TCN1: variants seen among roughly 807,000 people sequenced by gnomAD.
TCN1 encodes transcobalamin 1.
In TCN1, 47 loss-of-function variants were observed where a neutral mutation model predicts 46.3. The observed-to-expected ratio is 1.01, with a 90% confidence interval of 0.80 to 1.29. The LOEUF (loss-of-function observed/expected upper bound fraction) is 1.29, where lower values mean the gene tolerates loss of function less well. Among genes scored for constraint, TCN1 ranks in the 50% most tolerant of loss-of-function variants. The pLI is 0.00. For missense variants in TCN1, 532 were observed against 511.0 expected, an observed-to-expected ratio of 1.04 and a Z score of -0.40; for synonymous variants, 183 against 192.5, an observed-to-expected ratio of 0.95 and a Z score of 0.41.
chr11:59,862,563 C>A lies in TCN1; in HGVS notation c.400+19G>T, dbSNP rs774679204. On this transcript the variant is annotated intron_variant, in intron 3 of 8. Coordinates refer to ENST00000257264, the MANE Select transcript of TCN1 (RefSeq NM_001062.4). ...GAGAAGACAAGGTAGTCTAGGGTCT[C>A]TAAATATTTAATTCTTACCCATATT... 3 of 1,612,580 alleles carry A rather than the reference C, an allele frequency of 1.9e-6. No individual in the cohort carries two copies. In the South Asian group the frequency reaches 3.3e-5, roughly 18 times the overall value.
In TCN1 at chr11:59,861,551, A is replaced by G. The variant is rs1376338234; in HGVS notation, c.532T>C (p.Tyr178His). 2 of 1,614,070 alleles carry G rather than the reference A, an allele frequency of 1.2e-6. No homozygotes were observed. The highest frequency in any genetic ancestry group is 2.2e-5 in the South Asian group (2 of 91,086). ...NHFTPENKNY[Y>H]FGSQFSVDTG... ...CCTACTGAGAACTGGCTACCAAAAT[A>G]ATAGTTTTTATTTTCAGGAGTGAAG... The change falls in exon 4 of 9, where the codon TAT becomes CAT. Residue 178 changes from tyrosine to histidine, a missense_variant. By Grantham distance (83) the Tyr-to-His change is moderately conservative. Transcript: ENST00000257264.
At chr11:59,858,938 G>C (rs1852984116) in intron 5 of TCN1, 139 bp downstream of exon 5, 1 of 952,180 alleles carries the variant, frequency 1.1e-6, no homozygotes, top group Non-Finnish European at 1.6e-6. Context: ...GGGAGGCGGA[G>C]GTCGCAGTGA....
intron 4 of TCN1, among the ~76,000 whole-genome samples, chr11:59,860,963 T>A (rs566775634): frequency 1.4e-4 from 21 of 152,334 alleles, no homozygotes; most frequent in African/African-American, 5.1e-4. Flanking sequence ...GCTAAGCACC[T>A]ATACTAACTG....
intron 3 of TCN1, 65 bp from the exon 4 acceptor site, chr11:59,861,747 T>G: frequency 6.5e-7 from 1 of 1,534,052 alleles, no homozygotes; most frequent in East Asian, 2.3e-5. Flanking sequence ...ATTTTCCATC[T>G]ATTCCTACTT....
intron 5 of TCN1, among the ~76,000 whole-genome samples, chr11:59,858,232 A>G (rs1852968999): frequency 1.3e-5 from 2 of 152,228 alleles, no homozygotes; most frequent in South Asian, 4.1e-4. Flanking sequence ...TAAGTGATTA[A>G]CAAGCATAGA....
In TCN1 at chr11:59,866,376, C is replaced by T. The variant is rs1431861135; in HGVS notation, c.79+16G>A. On this transcript the variant is annotated intron_variant, in intron 1 of 8. Coordinates refer to ENST00000257264, the MANE Select transcript of TCN1 (RefSeq NM_001062.4). The stretch of plus-strand genomic sequence containing the variant: ...GACTATCACTCTAGAGTAATTTTAG[C>T]TCAAAGTTTACTCACCACAAATCTC... 1 of 1,612,492 alleles carries T rather than the reference C, an allele frequency of 6.2e-7. No homozygotes were observed. Among genetic ancestry groups the T allele is most frequent in the Admixed American group, 1.7e-5 (1 of 59,936 alleles).
At chr11:59,861,396 C>A in intron 4 of TCN1, 131 bp downstream of exon 4, 1 of 999,612 alleles carries the variant, frequency 1.0e-6, no homozygotes, top group Non-Finnish European at 1.6e-6. Context: ...AAAGAAAATT[C>A]CCTTTTGAGG....
rs1385151308 is a variant in TCN1, at chr11:59,859,157, A to T, written c.667T>A (p.Ser223Thr). Residue 223 changes from serine to threonine, a missense_variant, in exon 5 of 9, where the codon TCA (serine) becomes ACA (threonine). Ser to Thr is a moderately conservative substitution (Grantham distance 58, BLOSUM62 1). Coordinates refer to ENST00000257264, the MANE Select transcript of TCN1 (RefSeq NM_001062.4). The part of the protein sequence containing the change: ...SLKNISIYTK[S>T]LVEKILSEKK... ...TCAGACAGAATCTTTTCTACCAGTG[A>T]CTTTGTATAAATACTGATGTTCTTT... 6.2e-7 allele frequency: 1 copy of T among 1,614,014 alleles called. No individual in the cohort carries two copies.
chr11:59,853,688 A>T (rs926766113), intron 7 of TCN1, among the ~76,000 whole-genome samples: 3 of 152,152 alleles, frequency 2.0e-5, no homozygotes, highest in Non-Finnish European at 2.9e-5. Flanking sequence ...AGAACATATG[A>T]TCCTCATGTG....
intron 5 of TCN1, among the ~76,000 whole-genome samples, chr11:59,857,402 T>C (rs1852955931): frequency 6.6e-6 from 1 of 152,188 alleles, no homozygotes; most frequent in Non-Finnish European, 1.5e-5. Context: ...TCAAACTTAG[T>C]AAGGCAATCA....
intron 1 of TCN1, among the ~76,000 whole-genome samples, chr11:59,866,170 G>C (rs1291933743): frequency 1.3e-5 from 2 of 152,154 alleles, no homozygotes; most frequent in Non-Finnish European, 2.9e-5. Flanking sequence ...CATAGAAAGA[G>C]CAGTTAGGCA....
chr11:59,860,428 CTT>C (rs546267894), intron 4 of TCN1, among the ~76,000 whole-genome samples: 3 of 143,380 alleles, frequency 2.1e-5, no homozygotes, highest in Non-Finnish European at 3.1e-5. Flanking sequence ...TGCACCCTGC[CTT>C]TTTTTTTTTT....
At chr11:59,858,215 C>T (rs938162159) in intron 5 of TCN1, among the ~76,000 whole-genome samples, 5 of 152,098 alleles carry the variant, frequency 3.3e-5, no homozygotes, top group African/African-American at 9.7e-5. Flanking sequence ...ATCTGATAAC[C>T]GGCTACTAAG....
chr11:59,855,951 G>A lies in TCN1; in HGVS notation c.855C>T (p.Asn285=), dbSNP rs72550759. The A allele has an allele frequency of 5.5e-4, 884 of 1,613,438 alleles. No homozygotes were observed. The highest frequency in any genetic ancestry group is 6.5e-4 in the Non-Finnish European group (771 of 1,179,760). Residue 285 remains asparagine (N), a synonymous_variant, in exon 6 of 9, where the codon AAC becomes AAT. Transcript: ENST00000257264. ...EISQGAFSNP[N]AAAQVLPALM... ...GGGCAGGTAAGACCTGGGCTGCAGC[G>A]TTTGGATTGCTGAATGCTCCTTGAG...
chr11:59,858,479 G>A lies in TCN1; in HGVS notation c.747+598C>T, dbSNP rs137896569. On this transcript the variant is annotated intron_variant, in intron 5 of 8. Coordinates refer to ENST00000257264, the MANE Select transcript of TCN1 (RefSeq NM_001062.4). ...CTACGTGTGATAGAACAAGAAAGCA[G>A]ATTGTAGTAGACTCTAGAGTTTCTT... 7.7e-4 allele frequency among the ~76,000 whole-genome samples: 117 copies of A among 152,314 alleles called. 2 individuals are homozygous for A. The highest frequency in any genetic ancestry group is 2.2e-3 in the African/African-American group (92 of 41,566).
intron 3 of TCN1, 112 bp downstream of exon 3, chr11:59,862,470 G>A: frequency 7.4e-7 from 1 of 1,342,948 alleles, no homozygotes; most frequent in Non-Finnish European, 1.1e-6. Context: ...CAAAGACATA[G>A]TGAGATGAAC....
In TCN1 at chr11:59,859,141, A is replaced by G. The variant is rs143824687; in HGVS notation, c.683T>C (p.Ile228Thr). 101 of 1,614,000 alleles carry G rather than the reference A, an allele frequency of 6.3e-5. No individual in the cohort carries two copies. The highest frequency in any genetic ancestry group is 1.6e-4 in the Middle Eastern group (1 of 6,084). The change falls in exon 5 of 9, where the codon ATT becomes ACT. Residue 228 changes from isoleucine to threonine, a missense_variant. Transcript: ENST00000257264. The part of the protein sequence containing the change: ...SIYTKSLVEK[I>T]LSEKKENGLI... ...ACCATTTTCTTTTTTCTCAGACAGA[A>G]TCTTTTCTACCAGTGACTTTGTATA...
At chr11:59,866,229 A>G (rs1853072696) in intron 1 of TCN1, among the ~76,000 whole-genome samples, 163 bp downstream of exon 1, 1 of 152,158 alleles carries the variant, frequency 6.6e-6, no homozygotes, top group African/African-American at 2.4e-5. Flanking sequence ...GCATTGTGAG[A>G]CTTTCCTCAC....
chr11:59,856,106 CAG>C, intron 5 of TCN1, 48 bp from the exon 6 acceptor site: 1 of 1,469,762 alleles, frequency 6.8e-7, no homozygotes. Context: ...TAAAGAGAGA[CAG>C]AGAGAGAATA....
Sources: allele counts gnomAD v4.1 joint callset (sites outside exome capture counted in the v4.1 genomes callset), GRCh38; gene constraint gnomAD v4.1.1; transcripts MANE v1.5; gene names NCBI Gene and HGNC (gene_info 2026-07-23, HGNC 2026-07-21).